Variants in AFF2 observed in about 807,000 individuals in gnomAD.
AFF2 encodes ALF transcription elongation factor 2.
AFF2 carries 14 observed loss-of-function variants against 76.9 expected under a neutral mutation model. The ratio of observed to expected loss-of-function variants is 0.18; its 90% CI spans 0.12 to 0.28. AFF2 has a LOEUF of 0.28. Ranked by LOEUF, AFF2 falls within the 10% of genes least tolerant of loss-of-function variation. The pLI, the probability that AFF2 is intolerant of heterozygous loss-of-function variation, is 1.00. For missense variants in AFF2, 868 were observed against 1,001.1 expected (o/e 0.87, Z 1.79); for synonymous variants, 398 against 366.7 (o/e 1.09, Z -0.98).
chrX:148,930,355 C>T lies in AFF2; in HGVS notation c.1398-23225C>T, dbSNP rs781858608. Among the ~76,000 whole-genome samples the T allele has an allele frequency of 8.1e-5, 9 of 111,791 alleles. No homozygotes were observed. The South Asian group carries it at 3.4e-3, about 42-fold the overall frequency. On this transcript the variant is annotated intron_variant, in intron 9 of 20. Transcript: ENST00000370460. ...CCTTCATTAAAGGGGAAGCAAAGGCCAAAGGGGAAGCCCTGGTGGGGGCTG... is the reference window on the plus strand; with the variant it reads ...CCTTCATTAAAGGGGAAGCAAAGGCTAAAGGGGAAGCCCTGGTGGGGGCTG...
intron 1 of AFF2, among the ~76,000 whole-genome samples, chrX:148,619,055 G>A (rs782153687): frequency 1.4e-4 from 16 of 111,223 alleles, no homozygotes; most frequent in East Asian, 1.2e-3. Context: ...TTTTCTTCCT[G>A]TTTCTTCCTC....
Position 148,581,991 on chromosome X carries a change from G to T in AFF2, c.48-70008G>T, listed in dbSNP as rs1025682600. Among the ~76,000 whole-genome samples the T allele has an allele frequency of 2.7e-5, 3 of 111,591 alleles. No individual in the cohort carries two copies. The East Asian group carries it at 8.4e-4, about 31-fold the overall frequency. On this transcript the variant is annotated intron_variant, in intron 1 of 20. Coordinates refer to ENST00000370460, the MANE Select transcript of AFF2 (RefSeq NM_002025.4). Reference sequence around the variant, plus strand: ...TCTCCTTTAATCTGGGACGTTCCTCGCTCTGTCTTTGTTATTTCATGTCCT... The same window carrying T: ...TCTCCTTTAATCTGGGACGTTCCTCTCTCTGTCTTTGTTATTTCATGTCCT...
chrX:148,983,768 T>C (rs1272393007), intron 19 of AFF2, among the ~76,000 whole-genome samples: 2 of 108,627 alleles, frequency 1.8e-5, no homozygotes, highest in African/African-American at 6.7e-5. Context: ...AGGCCTTTTG[T>C]AGACATATCC....
rs782119663 is a variant in AFF2 at position 148,584,331 on chromosome X, TA to T, written c.48-67667del. Among the ~76,000 whole-genome samples the T allele has an allele frequency of 1.9e-3, 212 of 112,021 alleles. 1 individual carries two copies. The highest frequency in any genetic ancestry group is 6.6e-3 in the African/African-American group (204 of 30,873). ...TCATTTTATTTTCTGTTTTGAATTT[TA>T]TTTTCAAATTCCTGGGTCTGAGAAA... On this transcript the variant is annotated intron_variant, in intron 1 of 20. Coordinates refer to ENST00000370460, the MANE Select transcript of AFF2 (RefSeq NM_002025.4).
Position 148,987,440 on chromosome X carries a change from G to A in AFF2, c.3697G>A (p.Val1233Ile), listed in dbSNP as rs1557291713. The A allele has an allele frequency of 8.3e-7, 1 of 1,211,154 alleles. No individual in the cohort carries two copies. ...AATGGGGAACTGTAACAATGGCCCA[G>A]TCACCATTCCCCAGCGCATTCACCA... is the stretch of plus-strand genomic sequence containing the variant. ...NAMGNCNNGPVTIPQRIHHMA... is the reference protein window; with the variant it reads ...NAMGNCNNGPITIPQRIHHMA... Residue 1233 changes from valine to isoleucine, a missense_variant, in exon 20 of 21, where the codon GTC becomes ATC. Coordinates refer to ENST00000370460, the MANE Select transcript of AFF2 (RefSeq NM_002025.4).
intron 1 of AFF2, among the ~76,000 whole-genome samples, chrX:148,543,083 G>A (rs1238921685): frequency 9.0e-6 from 1 of 111,413 alleles, no homozygotes; most frequent in Non-Finnish European, 1.9e-5. Flanking sequence ...GACTGGATCC[G>A]GGCCTCCTAA....
chrX:148,596,184 T>G (rs1204414172), intron 1 of AFF2, among the ~76,000 whole-genome samples: 1 of 111,730 alleles, frequency 9.0e-6, no homozygotes, highest in African/African-American at 3.3e-5. Flanking sequence ...GTGTAGGAGA[T>G]AAGATATATA....
At chrX:148,565,393 T>A (rs1557241474) in intron 1 of AFF2, among the ~76,000 whole-genome samples, 1 of 111,415 alleles carries the variant, frequency 9.0e-6, no homozygotes, top group East Asian at 2.8e-4. Flanking sequence ...AATATTTTTA[T>A]TAGAGATGAT....
At chrX:148,776,758 C>T (rs782728450) in intron 3 of AFF2, among the ~76,000 whole-genome samples, 126 of 111,252 alleles carry the variant, frequency 1.1e-3, no homozygotes, top group Admixed American at 5.5e-3. Flanking sequence ...GATATTAGCC[C>T]TTTGTCAGAT....
intron 1 of AFF2, among the ~76,000 whole-genome samples, chrX:148,538,094 C>T (rs2052806755): frequency 1.8e-5 from 2 of 112,702 alleles, no homozygotes; most frequent in Admixed American, 1.9e-4. Context: ...AGTATCAAAA[C>T]CTCTTATTCA....
In AFF2 at chrX:148,722,977, G is replaced by C. The variant is rs782743785; in HGVS notation, c.1041+60209G>C. On this transcript the variant is annotated intron_variant, in intron 3 of 20. Coordinates refer to ENST00000370460, the MANE Select transcript of AFF2 (RefSeq NM_002025.4). ...TTGATCTAGTGTCTAGTCTGAGATA[G>C]GTTCTCATTTTTCTCATGCTTCATG... Among the ~76,000 whole-genome samples the C allele has an allele frequency of 2.7e-5, 3 of 111,239 alleles. No homozygotes were observed. In the South Asian group the frequency reaches 1.1e-3, roughly 43 times the overall value.
chrX:148,641,086 G>T (rs1326139434), intron 1 of AFF2, among the ~76,000 whole-genome samples: 7 of 110,985 alleles, frequency 6.3e-5, no homozygotes. Context: ...CCTCTCCTGG[G>T]CTGTGAATTT....
chrX:148,540,580 G>T (rs1213408478), intron 1 of AFF2, among the ~76,000 whole-genome samples: 2 of 111,014 alleles, frequency 1.8e-5, no homozygotes, highest in Non-Finnish European at 3.8e-5. Flanking sequence ...CATCAACTGA[G>T]CTTCCCCCTA....
intron 1 of AFF2, among the ~76,000 whole-genome samples, chrX:148,620,041 T>G (rs1557251011): frequency 8.9e-6 from 1 of 111,909 alleles, no homozygotes; most frequent in Non-Finnish European, 1.9e-5. Flanking sequence ...GACTAAGTCC[T>G]TAGAATGTCG....
intron 7 of AFF2, among the ~76,000 whole-genome samples, chrX:148,873,354 C>T (rs1185989748): frequency 1.8e-5 from 2 of 110,550 alleles, no homozygotes; most frequent in African/African-American, 6.6e-5. Context: ...AGAGGAGAAA[C>T]TGCTGCAACC....
chrX:148,549,155 T>C (rs904038179), intron 1 of AFF2, among the ~76,000 whole-genome samples: 3 of 112,059 alleles, frequency 2.7e-5, no homozygotes, highest in African/African-American at 9.7e-5. Context: ...TGGGGCTATG[T>C]CAACTATTTC....
chrX:148,560,693 A>T lies in AFF2; in HGVS notation c.47+59549A>T, dbSNP rs141820507. Reference sequence around the variant, plus strand: ...AACTTAAACAAATTTGTATGGAAATATCTGATTTTTAAACAAAGACAGGAT... The same window carrying T: ...AACTTAAACAAATTTGTATGGAAATTTCTGATTTTTAAACAAAGACAGGAT... On this transcript the variant is annotated intron_variant, in intron 1 of 20. Coordinates refer to ENST00000370460, the MANE Select transcript of AFF2 (RefSeq NM_002025.4). Among the ~76,000 whole-genome samples the T allele has an allele frequency of 5.0e-4, 56 of 112,510 alleles. No individual in the cohort carries two copies. In the East Asian group the frequency reaches 0.013, roughly 26 times the overall value.
intron 3 of AFF2, among the ~76,000 whole-genome samples, chrX:148,762,420 T>TATATATATATAC (rs1225408056): frequency 3.0e-5 from 3 of 101,121 alleles, no homozygotes; most frequent in South Asian, 3.9e-4. Context: ...TATATATATA[T>TATATATATATAC]ACACATGCAC....
At chrX:148,920,407 A>G (rs2071579767) in intron 9 of AFF2, among the ~76,000 whole-genome samples, 1 of 111,938 alleles carries the variant, frequency 8.9e-6, no homozygotes, top group South Asian at 3.7e-4. Context: ...TTGCATATCC[A>G]TGTTCATTTT....
Sources: allele counts gnomAD v4.1 joint callset (sites outside exome capture counted in the v4.1 genomes callset), GRCh38; gene constraint gnomAD v4.1.1; transcripts MANE v1.5; gene names NCBI Gene and HGNC (gene_info 2026-07-23, HGNC 2026-07-21).